The following SMOC1 variants were observed in gnomAD, a reference collection of about 807,000 sequenced individuals.
The protein encoded by SMOC1 is SPARC-related modular calcium-binding protein 1.
A neutral mutation model predicts 56.3 loss-of-function variants in SMOC1; 22 were observed. That is an observed-to-expected ratio of 0.39 (90% CI 0.28 to 0.56). SMOC1 has a LOEUF of 0.56. SMOC1 is among the 20% of genes least tolerant of loss of function. The pLI, the probability that SMOC1 is intolerant of heterozygous loss-of-function variation, is 0.61. For missense variants in SMOC1, 509 were observed against 565.4 expected (o/e 0.90, Z 1.01); for synonymous variants, 193 against 215.0 (o/e 0.90, Z 0.89).
chr14:70,004,247 G>T (rs1453902743), intron 7 of SMOC1, among the ~76,000 whole-genome samples: 3 of 152,142 alleles, frequency 2.0e-5, no homozygotes, highest in Admixed American at 6.5e-5. Context: ...TGTAAGATTA[G>T]CCTTTTTTCT....
chr14:69,904,389 G>C (rs563625143), intron 1 of SMOC1, among the ~76,000 whole-genome samples: 223 of 152,314 alleles, frequency 1.5e-3, no homozygotes, highest in Admixed American at 3.0e-3. Flanking sequence ...TCTAGTTCTT[G>C]CTCATGTTTG....
At position 70,030,258 on chromosome 14, in the gene SMOC1, A is replaced by G. The variant is rs751567810; in HGVS notation, c.1308A>G (p.Ter436=). 97 of 1,611,704 alleles carry G rather than the reference A, an allele frequency of 6.0e-5. No homozygotes were observed. The highest frequency in any genetic ancestry group is 7.9e-5 in the Non-Finnish European group (93 of 1,179,714). The part of the protein sequence containing the change: ...GVSKEVGRLV[*] The stretch of plus-strand genomic sequence containing the variant: ...TTCTCTCAGTAGGACGCCTCGTCTA[A>G]GGAGCAGAAAACCCAAGGGCAGGTG... The change falls in exon 12 of 12, where the codon TAA becomes TAG. Residue 436 remains the stop codon, a stop_retained_variant. Transcript: ENST00000361956.
chr14:69,990,366 A>G (rs1225569636), intron 5 of SMOC1, among the ~76,000 whole-genome samples: 2 of 152,226 alleles, frequency 1.3e-5, no homozygotes, highest in Non-Finnish European at 2.9e-5. Context: ...AATATTACAT[A>G]AGCCATATGC....
At chr14:69,912,610 T>C (rs1267854227) in intron 1 of SMOC1, among the ~76,000 whole-genome samples, 1 of 152,084 alleles carries the variant, frequency 6.6e-6, no homozygotes, top group Admixed American at 6.5e-5. Flanking sequence ...TATTCAGAGG[T>C]GATAGGTGGC....
intron 1 of SMOC1, among the ~76,000 whole-genome samples, chr14:69,908,342 A>G (rs1380307019): frequency 6.6e-6 from 1 of 152,238 alleles, no homozygotes; most frequent in African/African-American, 2.4e-5. Flanking sequence ...AACCAAAGCA[A>G]CCACTGAATC....
intron 11 of SMOC1, among the ~76,000 whole-genome samples, chr14:70,027,037 A>G (rs227403): frequency 0.026 from 3,985 of 152,146 alleles, 108 homozygotes; most frequent in South Asian, 0.072. Flanking sequence ...GGCTGAGTAG[A>G]CTTAAAGCCT....
intron 7 of SMOC1, among the ~76,000 whole-genome samples, chr14:70,004,265 A>G (rs959390609): frequency 7.2e-5 from 11 of 151,982 alleles, no homozygotes; most frequent in Middle Eastern, 3.4e-3. Context: ...TCTTGCACTT[A>G]TTTTTCAGAT....
chr14:69,885,449 T>C, intron 1 of SMOC1: 1 of 1,601,246 alleles, frequency 6.2e-7, no homozygotes. Context: ...GCGGATCTCA[T>C]CGTATCTGTC....
chr14:69,906,795 A>G (rs1884420803), intron 1 of SMOC1, among the ~76,000 whole-genome samples: 1 of 152,222 alleles, frequency 6.6e-6, no homozygotes, highest in Non-Finnish European at 1.5e-5. Context: ...CAATAGGAAC[A>G]TCTTCAGTGC....
At chr14:69,979,890 T>C (rs558628358) in intron 5 of SMOC1, among the ~76,000 whole-genome samples, 20 of 152,208 alleles carry the variant, frequency 1.3e-4, no homozygotes, top group Admixed American at 1.3e-3. Context: ...CAAAGGGAGC[T>C]GATTGTATGA....
chr14:69,929,732 C>T (rs774350910), intron 1 of SMOC1, among the ~76,000 whole-genome samples: 2 of 152,148 alleles, frequency 1.3e-5, no homozygotes, highest in Non-Finnish European at 2.9e-5. Flanking sequence ...AAGTACAACT[C>T]AATAAAGAGC....
intron 1 of SMOC1, among the ~76,000 whole-genome samples, chr14:69,932,581 T>C (rs1270712676): frequency 6.6e-6 from 1 of 152,222 alleles, no homozygotes; most frequent in East Asian, 1.9e-4. Context: ...AGCCCTCTCC[T>C]CCGGCTCTCA....
intron 5 of SMOC1, among the ~76,000 whole-genome samples, chr14:69,985,765 T>C (rs979523787): frequency 6.6e-6 from 1 of 152,168 alleles, no homozygotes; most frequent in Non-Finnish European, 1.5e-5. Flanking sequence ...AGTGGATAGA[T>C]TGCAAAATGA....
At chr14:69,977,036 C>T (rs1883987242) in intron 4 of SMOC1, among the ~76,000 whole-genome samples, 1 of 152,184 alleles carries the variant, frequency 6.6e-6, no homozygotes, top group Non-Finnish European at 1.5e-5. Context: ...GCCCTCCTTT[C>T]AAATGACCTG....
At chr14:69,995,493 T>C (rs948494641) in intron 7 of SMOC1, among the ~76,000 whole-genome samples, 2 of 152,224 alleles carry the variant, frequency 1.3e-5, no homozygotes, top group African/African-American at 4.8e-5. Context: ...GAAAGGAGAC[T>C]GTGAACCCCC....
At chr14:69,958,085 A>G (rs1883251924) in intron 3 of SMOC1, among the ~76,000 whole-genome samples, 1 of 152,216 alleles carries the variant, frequency 6.6e-6, no homozygotes, top group Non-Finnish European at 1.5e-5. Flanking sequence ...ATTTTTGGAC[A>G]CAAATACCTT....
chr14:70,011,389 G>T, intron 8 of SMOC1, 96 bp from the exon 9 acceptor site: 1 of 1,216,578 alleles, frequency 8.2e-7, no homozygotes. Context: ...AGTGCTTTAG[G>T]CTTGGTGACA....
intron 1 of SMOC1, among the ~76,000 whole-genome samples, chr14:69,946,174 C>A (rs1404961019): frequency 1.3e-5 from 2 of 152,194 alleles, no homozygotes; most frequent in African/African-American, 4.8e-5. Flanking sequence ...TTCTACTATG[C>A]TGGAGACTGA....
intron 1 of SMOC1, among the ~76,000 whole-genome samples, chr14:69,902,809 G>A (rs1042407528): frequency 1.3e-5 from 2 of 152,172 alleles, no homozygotes; most frequent in Admixed American, 6.5e-5. Flanking sequence ...TGGTGGAGAC[G>A]GGGTTTCGCT....
Sources: gnomAD v4.1 joint callset for allele counts (sites outside exome capture counted in the v4.1 genomes callset) on GRCh38, gnomAD v4.1.1 for gene constraint, MANE v1.5 for transcripts, NCBI Gene and HGNC (gene_info 2026-07-23, HGNC 2026-07-21) for gene names.